ZNF48: variants seen among roughly 807,000 people sequenced by gnomAD.
ZNF48 encodes zinc finger protein 553.
ZNF48 carries 20 observed loss-of-function variants against 40.0 expected under a neutral mutation model. That is an observed-to-expected ratio of 0.50 (90% CI 0.35 to 0.73). The LOEUF is 0.73. Among genes scored for constraint, ZNF48 ranks in the 30% least tolerant of loss-of-function variants. The pLI is 0.01. For synonymous variants in ZNF48, 298 were observed against 329.7 expected, an observed-to-expected ratio of 0.90 and a Z score of 1.04; for missense variants, 726 against 851.9, an observed-to-expected ratio of 0.85 and a Z score of 1.84.
At chr16:30,390,871 A>G (rs1362322021), upstream of ZNF48, among the ~76,000 whole-genome samples, 3 of 151,178 alleles carry the variant, frequency 2.0e-5, no homozygotes, top group African/African-American at 4.9e-5. Context: ...TGATCTGCCC[A>G]CCTCAGCCTC....
chr16:30,397,311 C>T lies in ZNF48; in HGVS notation c.80-19C>T, dbSNP rs945256316. The stretch of plus-strand genomic sequence containing the variant: ...CCGAGCCAAAGGGGAGGGTCTACAA[C>T]TTCCTTTTCTTTCCTCAGGTCTAGG... On this transcript the variant is annotated intron_variant, in intron 2 of 2. Coordinates refer to ENST00000613509, the MANE Select transcript of ZNF48 (RefSeq NM_001214909.2). The surrounding 1 kb of genome is among the most constrained non-coding windows in gnomAD (Gnocchi z 4.1). The T allele has an allele frequency of 1.9e-6, 3 of 1,594,106 alleles. No individual in the cohort carries two copies. Among genetic ancestry groups the T allele is most frequent in the Non-Finnish European group, 1.7e-6 (2 of 1,170,914 alleles).
At chr16:30,390,484 A>G (rs1001824849), upstream of ZNF48, among the ~76,000 whole-genome samples, 10 of 151,690 alleles carry the variant, frequency 6.6e-5, no homozygotes, top group Non-Finnish European at 1.5e-4. Context: ...ATCTGGGCTC[A>G]CTGCAACATC....
chr16:30,388,762 C>G (rs978836204), intron 1 of ZNF48, among the ~76,000 whole-genome samples: 2 of 151,996 alleles, frequency 1.3e-5, no homozygotes, highest in Admixed American at 6.6e-5. Flanking sequence ...GGCGTGGTGC[C>G]GCACACCAGT....
chr16:30,379,985 C>A, intron 1 of ZNF48: 1 of 1,610,890 alleles, frequency 6.2e-7, no homozygotes, highest in Non-Finnish European at 8.5e-7. Context: ...GAGTCACATT[C>A]GGGGAACTGG....
chr16:30,390,707 G>A (rs1212125827), upstream of ZNF48, among the ~76,000 whole-genome samples: 3 of 130,840 alleles, frequency 2.3e-5, no homozygotes, highest in African/African-American at 5.8e-5. Flanking sequence ...TGCAAGCTCC[G>A]CCTCCTGGGT....
rs2050016029 is a variant in ZNF48, at chr16:30,398,605, A to G, written c.1355A>G (p.Lys452Arg). 6.2e-7 allele frequency: 1 copy of G among 1,611,730 alleles called. No individual in the cohort carries two copies. ...CCACTGGCGGGCGACAAGCCCCACA[A>G]GTGCCCTGAGTGTGGCAAGGGCTTC... ...PPPLAGDKPHKCPECGKGFRR... is the reference protein window; with the variant it reads ...PPPLAGDKPHRCPECGKGFRR... Residue 452 changes from lysine (K) to arginine (R), a missense_variant, in exon 3 of 3, where the codon AAG (lysine) becomes AGG (arginine). Transcript: ENST00000613509. The surrounding 1 kb of genome is among the most constrained non-coding windows in gnomAD (Gnocchi z 6.6).
Position 30,395,502 on chromosome 16 carries a change from T to A in ZNF48, c.-92T>A, listed in dbSNP as rs773949471. On this transcript the variant is annotated 5_prime_UTR_variant, in exon 1 of 3. Coordinates refer to ENST00000613509, the MANE Select transcript of ZNF48 (RefSeq NM_001214909.2). This position sits in a 1 kb window ranked among gnomAD's most constrained non-coding sequence, Gnocchi z 5.9. ...CGCGGAGCCTGCATCCCGGAGCCGCTGGCGGCTCGGGCGCCTGCACCCCGC... is the reference window on the plus strand; with the variant it reads ...CGCGGAGCCTGCATCCCGGAGCCGCAGGCGGCTCGGGCGCCTGCACCCCGC... 3.2e-6 allele frequency: 1 copy of A among 314,360 alleles called. No individual in the cohort carries two copies. Among genetic ancestry groups the A allele is most frequent in the South Asian group, 2.4e-5 (1 of 41,362 alleles). The allele number at this position is 314,360 out of a possible 1,614,324, so 19.5% of individuals were successfully genotyped here.
chr16:30,378,877 A>AC, intron 1 of ZNF48: 1 of 239,002 alleles, frequency 4.2e-6, no homozygotes, highest in Non-Finnish European at 6.8e-6. Context: ...AGACGGAGAG[A>AC]GGGAGGGAGG....
chr16:30,389,390 CAA>C (rs1230191284), intron 1 of ZNF48, among the ~76,000 whole-genome samples: 4,276 of 121,166 alleles, frequency 0.035, 208 homozygotes, highest in African/African-American at 0.12. Context: ...GACTCCATCT[CAA>C]AAAAAAAAAA....
chr16:30,378,795 AG>A, intron 1 of ZNF48: 1 of 1,156,858 alleles, frequency 8.6e-7, no homozygotes, highest in Non-Finnish European at 1.2e-6. Flanking sequence ...GTTGGGGTCT[AG>A]GAGGCGGAGC....
At position 30,395,828 on chromosome 16, in the gene ZNF48, C is replaced by T. The variant is rs2049979142; in HGVS notation, c.34C>T (p.Leu12Phe). Residue 12 changes from leucine (L) to phenylalanine (F), a missense_variant, in exon 2 of 3, where the codon CTC (leucine) becomes TTC (phenylalanine). Around this residue, in one of 5 missense-constraint regions of ZNF48, gnomAD observed 151 missense variants for 162.3 expected, o/e 0.93. Coordinates refer to ENST00000613509, the MANE Select transcript of ZNF48 (RefSeq NM_001214909.2). This position sits in a 1 kb window ranked among gnomAD's most constrained non-coding sequence, Gnocchi z 5.9. ...ERAVEPWGPD[L>F]HRPEEREPQR... ...CGCGGTAGAGCCTTGGGGCCCAGAT[C>T]TCCACCGCCCGGAGGAGAGGGAGCC... 1 of 1,550,244 alleles carries T rather than the reference C, an allele frequency of 6.5e-7. No homozygotes were observed. The highest frequency in any genetic ancestry group is 8.7e-7 in the Non-Finnish European group (1 of 1,152,488).
chr16:30,382,943 G>A lies in ZNF48; in HGVS notation c.-16+4533G>A, dbSNP rs569966524. ...AATCTCAGCACTTTGGGAGGCGGAGGAGGGAGGACAGCTTGAGCCAAGGAG... is the reference window on the plus strand; with the variant it reads ...AATCTCAGCACTTTGGGAGGCGGAGAAGGGAGGACAGCTTGAGCCAAGGAG... On this transcript the variant is annotated intron_variant, in intron 1 of 2. Coordinates refer to the ZNF48 transcript ENST00000528032. This position sits in a 1 kb window ranked among gnomAD's most constrained non-coding sequence, Gnocchi z 4.8. 4.2e-5 allele frequency: 29 copies of A among 696,226 alleles called. No homozygotes were observed. Among genetic ancestry groups the A allele is most frequent in the Admixed American group, 6.3e-5 (3 of 47,282 alleles). 43.1% of individuals were successfully genotyped at this position (696,226 alleles called of 1,614,324 possible). A position where few individuals can be genotyped will look rare whatever the true frequency, so the allele number is the denominator to read the frequency against.
chr16:30,396,101 A>T, intron 2 of ZNF48: 1 of 424,016 alleles, frequency 2.4e-6, no homozygotes, highest in South Asian at 6.0e-5. Context: ...CCTCTGCCCT[A>T]CTTCAGGCTT....
intron 1 of ZNF48, chr16:30,380,768 T>TAA: frequency 4.9e-5 from 13 of 267,666 alleles, no homozygotes; most frequent in South Asian, 8.0e-5. Context: ...AGACTCTATC[T>TAA]AAAAAAAAAA....
intron 1 of ZNF48, chr16:30,378,514 G>C: frequency 1.3e-6 from 2 of 1,583,490 alleles, no homozygotes; most frequent in Non-Finnish European, 1.7e-6. Context: ...TCTTGCATGC[G>C]GCGCAGCTGT....
Position 30,397,449 on chromosome 16 carries a change from C to A in ZNF48, c.199C>A (p.Leu67Ile). The A allele has an allele frequency of 1.2e-6, 2 of 1,614,124 alleles. No homozygotes were observed. ...APDHEVGNAS[L>I]KPEGIQNWDD... is the part of the protein sequence containing the mutation. ...AGATCATGAAGTAGGAAATGCCTCT[C>A]TCAAACCTGAAGGCATCCAGAACTG... The change falls in exon 3 of 3, where the codon CTC (leucine) becomes ATC (isoleucine). Residue 67 changes from leucine to isoleucine, a missense_variant. By Grantham distance (5) the Leu-to-Ile change is conservative (BLOSUM62 2). Coordinates refer to ENST00000613509, the MANE Select transcript of ZNF48 (RefSeq NM_001214909.2). This position sits in a 1 kb window ranked among gnomAD's most constrained non-coding sequence, Gnocchi z 4.1.
chr16:30,379,683 C>G (rs1205670096), intron 1 of ZNF48: 8 of 532,122 alleles, frequency 1.5e-5, no homozygotes, highest in Middle Eastern at 5.0e-4. Context: ...GGGTCTCACT[C>G]CATTGCCCAG....
chr16:30,383,684 C>G (rs2049877166), intron 1 of ZNF48, among the ~76,000 whole-genome samples: 1 of 152,192 alleles, frequency 6.6e-6, no homozygotes, highest in African/African-American at 2.4e-5. Context: ...CCTTCAGGAA[C>G]TCCCCAGTAA....
chr16:30,392,167 C>T (rs751702882), upstream of ZNF48, among the ~76,000 whole-genome samples: 13 of 152,294 alleles, frequency 8.5e-5, no homozygotes, highest in East Asian at 1.2e-3. Context: ...GGACTACAGG[C>T]GCCTGCCACC....
Sources: gnomAD v4.1 joint callset for allele counts (sites outside exome capture counted in the v4.1 genomes callset) on GRCh38, gnomAD v4.1.1 for gene constraint, gnomAD v4.1.1 regional missense constraint, Gnocchi (gnomAD v3.1) non-coding constraint, MANE v1.5 for transcripts, NCBI Gene and HGNC (gene_info 2026-07-23, HGNC 2026-07-21) for gene names.